DNAH12: variants seen among roughly 807,000 people sequenced by gnomAD.
DNAH12 encodes dynein axonemal heavy chain 12, also known as axonemal beta dynein heavy chain 12.
A neutral mutation model predicts 371.5 loss-of-function variants in DNAH12; 285 were observed. That is an observed-to-expected ratio of 0.77 (90% CI 0.70 to 0.85). The LOEUF is 0.85. Among genes scored for constraint, DNAH12 ranks in the 40% least tolerant of loss-of-function variants. The pLI is 0.00. For missense variants in DNAH12, 3,611 were observed against 3,689.4 expected, an observed-to-expected ratio of 0.98 and a Z score of 0.55; for synonymous variants, 1,200 against 1,213.0, an observed-to-expected ratio of 0.99 and a Z score of 0.22.
intron 43 of DNAH12, among the ~76,000 whole-genome samples, chr3:57,400,246 C>T (rs905409964): frequency 6.6e-6 from 1 of 152,104 alleles, no homozygotes; most frequent in Admixed American, 6.6e-5. Flanking sequence ...TGATATCGTG[C>T]CACTGCACTC....
At chr3:57,453,116 CAT>C (rs1184162024) in intron 24 of DNAH12, 101 bp from the exon 25 acceptor site, 6 of 1,456,274 alleles carry the variant, frequency 4.1e-6, no homozygotes, top group Non-Finnish European at 4.5e-6. Context: ...AAAAATAATT[CAT>C]GTTTGCCAAC....
chr3:57,498,349 C>A, intron 11 of DNAH12: 1 of 598,900 alleles, frequency 1.7e-6, no homozygotes. Flanking sequence ...AAGAGTTTTG[C>A]TCTGTCACTC....
chr3:57,353,577 C>G (rs2062733477), intron 59 of DNAH12, among the ~76,000 whole-genome samples: 1 of 152,130 alleles, frequency 6.6e-6, no homozygotes, highest in South Asian at 2.1e-4. Flanking sequence ...AAACTATCAA[C>G]AGAGTAAACA....
chr3:57,360,098 C>T (rs1331106570), intron 58 of DNAH12, among the ~76,000 whole-genome samples: 3 of 152,108 alleles, frequency 2.0e-5, no homozygotes, highest in African/African-American at 7.2e-5. Context: ...CCAATAAATG[C>T]TCCCTATCTT....
intron 62 of DNAH12, among the ~76,000 whole-genome samples, chr3:57,327,254 A>G (rs1011214181): frequency 3.3e-5 from 5 of 152,092 alleles, no homozygotes; most frequent in African/African-American, 7.2e-5. Flanking sequence ...AACAGAATAT[A>G]CATTTTTTTC....
At chr3:57,508,254 C>A (rs1575705069) in intron 7 of DNAH12, 128 bp downstream of exon 7, 34 of 823,496 alleles carry the variant, frequency 4.1e-5, no homozygotes, top group Middle Eastern at 4.1e-4. Context: ...AAACAAGATA[C>A]ATTTTTTTAA....
chr3:57,502,198 C>T, intron 10 of DNAH12, 125 bp downstream of exon 10: 4 of 1,281,354 alleles, frequency 3.1e-6, no homozygotes, highest in South Asian at 1.4e-5. Flanking sequence ...CCAAAAGCTA[C>T]GCCTATGCTC....
intron 34 of DNAH12, among the ~76,000 whole-genome samples, chr3:57,426,940 T>C (rs529147080): frequency 1.4e-4 from 22 of 152,086 alleles, no homozygotes; most frequent in African/African-American, 3.9e-4. Flanking sequence ...TTATAATATA[T>C]AGCATTAGAG....
intron 62 of DNAH12, among the ~76,000 whole-genome samples, chr3:57,331,404 G>A (rs977750225): frequency 6.6e-6 from 1 of 152,058 alleles, no homozygotes; most frequent in South Asian, 2.1e-4. Flanking sequence ...GGGGTTCCAG[G>A]GACTTAAAGT....
chr3:57,446,333 A>G, intron 26 of DNAH12, 63 bp from the exon 27 acceptor site: 1 of 1,493,032 alleles, frequency 6.7e-7, no homozygotes, highest in Non-Finnish European at 9.0e-7. Flanking sequence ...TCTTAAAACA[A>G]ATACCTAATA....
intron 43 of DNAH12, chr3:57,402,526 C>T: frequency 1.1e-6 from 1 of 943,686 alleles, no homozygotes; most frequent in Non-Finnish European, 1.5e-6. Context: ...ATTTATTTAT[C>T]TGAAATAAGT....
intron 60 of DNAH12, among the ~76,000 whole-genome samples, chr3:57,343,788 G>A (rs1553657067): frequency 6.6e-6 from 1 of 152,146 alleles, no homozygotes; most frequent in Admixed American, 6.5e-5. Flanking sequence ...GAGAAAAACC[G>A]CCCTATGGTG....
At chr3:57,417,801 A>G (rs563643238) in intron 37 of DNAH12, among the ~76,000 whole-genome samples, 1 of 152,296 alleles carries the variant, frequency 6.6e-6, no homozygotes, top group African/African-American at 2.4e-5. Flanking sequence ...ACATATATAT[A>G]TTACTACTAT....
rs2065143988 is a variant in DNAH12 at position 57,436,896 on chromosome 3, G to C, written c.4655+55C>G. ...AGTCTTTGGTTCATGGATTTTAGTT[G>C]TTTTACCAGCTTAATTAAGAAATAA... On this transcript the variant is annotated intron_variant, in intron 30 of 73. Coordinates refer to ENST00000495027, the MANE Select transcript of DNAH12 (RefSeq NM_001366028.2). The C allele has an allele frequency of 2.5e-6, 3 of 1,215,950 alleles. No homozygotes were observed. The South Asian group carries it at 5.2e-5, about 21-fold the overall frequency. The allele number at this position is 1,215,950 out of a possible 1,614,324, so 75.3% of individuals were successfully genotyped here.
chr3:57,416,803 TC>T (rs1165914097), intron 37 of DNAH12, among the ~76,000 whole-genome samples: 1 of 152,110 alleles, frequency 6.6e-6, no homozygotes, highest in African/African-American at 2.4e-5. Context: ...AAGCAAGGTT[TC>T]CCATTCTTAA....
At chr3:57,388,656 A>G (rs1406090103) in intron 45 of DNAH12, among the ~76,000 whole-genome samples, 1 of 152,200 alleles carries the variant, frequency 6.6e-6, no homozygotes, top group Non-Finnish European at 1.5e-5. Context: ...ATTAAAAAAC[A>G]TTACAGAGGA....
chr3:57,479,780 C>T (rs571579807), intron 13 of DNAH12, among the ~76,000 whole-genome samples: 1 of 152,292 alleles, frequency 6.6e-6, no homozygotes, highest in South Asian at 2.1e-4. Context: ...CTCAAAACCA[C>T]TCAACTACAT....
intron 32 of DNAH12, 98 bp downstream of exon 32, chr3:57,433,269 T>C: frequency 8.2e-6 from 11 of 1,338,572 alleles, no homozygotes; most frequent in Non-Finnish European, 1.1e-5. Context: ...TCCTTTATTT[T>C]TGCATCCTTT....
intron 69 of DNAH12, among the ~76,000 whole-genome samples, chr3:57,307,140 T>C (rs1575427548): frequency 6.6e-6 from 1 of 152,048 alleles, no homozygotes; most frequent in African/African-American, 2.4e-5. Flanking sequence ...ACACATGTGC[T>C]CTCCCTGCCG....
Sources: gnomAD v4.1 joint callset for allele counts (sites outside exome capture counted in the v4.1 genomes callset) on GRCh38, gnomAD v4.1.1 for gene constraint, MANE v1.5 for transcripts, NCBI Gene and HGNC (gene_info 2026-07-23, HGNC 2026-07-21) for gene names.